The following NOTCH2NLB variants were observed in gnomAD, a reference collection of about 807,000 sequenced individuals.
NOTCH2NLB encodes notch 2 N-terminal like B.
Under a neutral mutation model 14.8 loss-of-function variants are expected in NOTCH2NLB, and 1 was observed. That is an observed-to-expected ratio of 0.07 (90% CI 0.02 to 0.32). NOTCH2NLB has a LOEUF of 0.32. Ranked by LOEUF, NOTCH2NLB falls within the 10% of genes least tolerant of loss-of-function variation. The probability of loss-of-function intolerance (pLI) is 1.00; values close to 1 mark genes in which losing one functional copy is unlikely to be tolerated. For missense variants in NOTCH2NLB, 11 were observed against 155.0 expected (o/e 0.07, Z 4.93); for synonymous variants, 6 against 57.5 (o/e 0.10, Z 4.05).
At chr1:148,670,396 T>G (rs1664733590) in intron 1 of NOTCH2NLB, among the ~76,000 whole-genome samples, 1 of 145,720 alleles carries the variant, frequency 6.9e-6, no homozygotes, top group African/African-American at 2.5e-5. Flanking sequence ...AATATCACTG[T>G]AATGAGGCAT....
chr1:148,703,152 T>G, the NOTCH2NLB span, among the ~76,000 whole-genome samples: 1 of 22,954 alleles, frequency 4.4e-5, no homozygotes. Context: ...TAGCCGGGCA[T>G]GGTGGCGGGC....
chr1:148,610,313 GAGAAAGAGAGAGAA>G (rs1488374731), intron 3 of NOTCH2NLB, among the ~76,000 whole-genome samples: 48 of 67,826 alleles, frequency 7.1e-4, no homozygotes, highest in African/African-American at 3.0e-3. Flanking sequence ...GAGAGAAAGA[GAGAAAGAGAGAGAA>G]AGAAAGAAAG....
chr1:148,604,952 C>CACACAT (rs1273042341), downstream of NOTCH2NLB, among the ~76,000 whole-genome samples: 4 of 23,756 alleles, frequency 1.7e-4, no homozygotes, highest in African/African-American at 1.5e-3. Flanking sequence ...ACGCCATATA[C>CACACAT]ACACACACAC....
At chr1:148,633,113 GA>G (rs1664141972) in intron 2 of NOTCH2NLB, among the ~76,000 whole-genome samples, 1 of 125,884 alleles carries the variant, frequency 7.9e-6, no homozygotes, top group African/African-American at 3.5e-5. Context: ...TTCCTGATCT[GA>G]AAAGTCCCCT....
chr1:148,670,537 A>AT (rs1553341879), intron 1 of NOTCH2NLB, among the ~76,000 whole-genome samples: 21 of 82,872 alleles, frequency 2.5e-4, no homozygotes, highest in African/African-American at 8.7e-4. Flanking sequence ...ACTAAAAAAA[A>AT]AAATATATAT....
intron 2 of NOTCH2NLB, among the ~76,000 whole-genome samples, chr1:148,638,462 G>T (rs1333638939): frequency 6.7e-6 from 1 of 148,762 alleles, no homozygotes; most frequent in African/African-American, 2.5e-5. Flanking sequence ...GCCACAAAAA[G>T]ACTAAACAAG....
At position 148,627,719 on chromosome 1, in the gene NOTCH2NLB, C is replaced by A. The variant is rs1664015452; in HGVS notation, c.78-11769G>T. Among the ~76,000 whole-genome samples, 4 of 151,672 alleles carry A rather than the reference C, an allele frequency of 2.6e-5. No homozygotes were observed. The South Asian group carries it at 8.4e-4, about 32-fold the overall frequency. On this transcript the variant is annotated intron_variant, in intron 2 of 4. Coordinates refer to ENST00000593495, the Ensembl canonical transcript of NOTCH2NLB. ...TTTCCTGTGAAAAACAGCCTTGACA[C>A]CCCCTCTGTTCTTATAACCCTGAGC...
intron 1 of NOTCH2NLB, among the ~76,000 whole-genome samples, chr1:148,649,562 G>A (rs1451074792): frequency 2.1e-5 from 3 of 145,604 alleles, no homozygotes; most frequent in South Asian, 2.2e-4. Context: ...CCAGGCTGGA[G>A]TGCAGTGGCG....
the NOTCH2NLB span, among the ~76,000 whole-genome samples, chr1:148,685,821 C>A: frequency 3.8e-5 from 2 of 52,396 alleles, no homozygotes; most frequent in African/African-American, 7.2e-5. Flanking sequence ...AAAGTGAGAC[C>A]CTGTCTCCAA....
rs1374556589 is a variant in NOTCH2NLB at position 148,622,842 on chromosome 1, A to G, written c.78-6892T>C. On this transcript the variant is annotated intron_variant, in intron 2 of 4. Coordinates refer to ENST00000593495, the Ensembl canonical transcript of NOTCH2NLB. ...ACTTGTAGCACGTTTTTTGAACCCA[A>G]TAATTGGAACTATCATTCATTCCTT... 2.3e-5 allele frequency among the ~76,000 whole-genome samples: 2 copies of G among 85,248 alleles called. 1 individual carries two copies. Among genetic ancestry groups the G allele is most frequent in the African/African-American group, 2.4e-4 (2 of 8,308 alleles). 55.9% of individuals were successfully genotyped at this position (85,248 alleles called of 152,430 possible).
At chr1:148,685,852 C>A in the NOTCH2NLB span, among the ~76,000 whole-genome samples, 7 of 129,214 alleles carry the variant, frequency 5.4e-5, no homozygotes, top group African/African-American at 8.9e-5. Context: ...AAAAAAAATG[C>A]ATTAAAAATC....
intron 2 of NOTCH2NLB, among the ~76,000 whole-genome samples, chr1:148,637,439 C>T (rs1664230504): frequency 7.3e-6 from 1 of 136,524 alleles, no homozygotes; most frequent in African/African-American, 2.9e-5. Flanking sequence ...CATGTCAGAC[C>T]AAAAATATAT....
chr1:148,629,170 C>A (rs1481473099), intron 2 of NOTCH2NLB, among the ~76,000 whole-genome samples: 1 of 94,516 alleles, frequency 1.1e-5, no homozygotes, highest in Non-Finnish European at 2.0e-5. Context: ...GGTATTTCAG[C>A]CTCGATGGAA....
At chr1:148,694,391 T>TA in the NOTCH2NLB span, among the ~76,000 whole-genome samples, 2 of 95,388 alleles carry the variant, frequency 2.1e-5, no homozygotes, top group African/African-American at 6.6e-5. Flanking sequence ...CTGCCTGAGA[T>TA]AAAATCTAAA....
intron 1 of NOTCH2NLB, among the ~76,000 whole-genome samples, chr1:148,670,534 A>ATT (rs1417813745): frequency 1.9e-4 from 10 of 53,338 alleles, no homozygotes; most frequent in South Asian, 1.5e-3. Context: ...TAAACTAAAA[A>ATT]AAAAAATATA....
intron 2 of NOTCH2NLB, among the ~76,000 whole-genome samples, chr1:148,633,478 G>A (rs1294742978): frequency 8.3e-5 from 6 of 72,460 alleles, no homozygotes; most frequent in East Asian, 6.6e-4. Flanking sequence ...GCATGAACCC[G>A]GGAGGCGGAG....
chr1:148,638,230 G>A (rs1664259712), intron 2 of NOTCH2NLB, among the ~76,000 whole-genome samples: 2 of 148,906 alleles, frequency 1.3e-5, no homozygotes, highest in South Asian at 4.3e-4. Context: ...TAAGAAACAT[G>A]TGCATGACGG....
intron 1 of NOTCH2NLB, among the ~76,000 whole-genome samples, chr1:148,674,021 A>C (rs1315129860): frequency 2.0e-5 from 1 of 50,086 alleles, no homozygotes; most frequent in African/African-American, 6.5e-5. Flanking sequence ...ACCAGTGCCC[A>C]CCTGTGCAGG....
chr1:148,651,162 A>AATATATATATATATATATATATATAT (rs1218372509), intron 1 of NOTCH2NLB, among the ~76,000 whole-genome samples: 2 of 46,040 alleles, frequency 4.3e-5, no homozygotes, highest in Non-Finnish European at 8.3e-5. Flanking sequence ...AAAAAAAAAA[A>AATATATATATATATATATATATATAT]ATATATATAT....
Sources: gnomAD v4.1 joint callset for allele counts (sites outside exome capture counted in the v4.1 genomes callset) on GRCh38, gnomAD v4.1.1 for gene constraint, MANE v1.5 for transcripts, NCBI Gene and HGNC (gene_info 2026-07-23, HGNC 2026-07-21) for gene names.